RALYL: variants seen among roughly 807,000 people sequenced by gnomAD.
RALYL encodes the protein RALY RNA binding protein like.
Under a neutral mutation model 35.1 loss-of-function variants are expected in RALYL, and 29 were observed. The ratio of observed to expected loss-of-function variants is 0.83; its 90% CI spans 0.61 to 1.13. The LOEUF (loss-of-function observed/expected upper bound fraction) is 1.13. Ranked by LOEUF, RALYL falls within the 50% of genes most tolerant of loss-of-function variation. RALYL has a pLI of 0.00. For missense variants in RALYL, 359 were observed against 360.4 expected, an observed-to-expected ratio of 1.00 and a Z score of 0.03; for synonymous variants, 120 against 127.6, an observed-to-expected ratio of 0.94 and a Z score of 0.40.
intron 1 of RALYL, among the ~76,000 whole-genome samples, chr8:84,377,155 C>T (rs1321114615): frequency 6.6e-6 from 1 of 151,732 alleles, no homozygotes; most frequent in Non-Finnish European, 1.5e-5. Flanking sequence ...ATTCCAGACT[C>T]CATATTTTAA....
chr8:84,839,112 A>G (rs974945083), intron 4 of RALYL, among the ~76,000 whole-genome samples: 2 of 152,224 alleles, frequency 1.3e-5, no homozygotes, highest in African/African-American at 4.8e-5. Context: ...AGAGTGTCAG[A>G]AAGTGGGTGC....
chr8:84,640,472 T>C (rs924391735), intron 2 of RALYL, among the ~76,000 whole-genome samples: 1 of 151,994 alleles, frequency 6.6e-6, no homozygotes, highest in African/African-American at 2.4e-5. Flanking sequence ...GTTAAGATTA[T>C]GAGTATAGCA....
chr8:84,716,985 G>T (rs1179535931), intron 2 of RALYL, among the ~76,000 whole-genome samples: 1 of 152,064 alleles, frequency 6.6e-6, no homozygotes, highest in Non-Finnish European at 1.5e-5. Flanking sequence ...TCAGAAGTTT[G>T]AGACCAGCTT....
intron 8 of RALYL, among the ~76,000 whole-genome samples, chr8:84,889,980 T>C (rs73303013): frequency 0.014 from 2,117 of 152,296 alleles, 52 homozygotes; most frequent in African/African-American, 0.048. Context: ...TTTTCTTGCT[T>C]CAACTCTTGC....
chr8:84,271,796 T>C (rs1373216368), intron 1 of RALYL, among the ~76,000 whole-genome samples: 1 of 152,044 alleles, frequency 6.6e-6, no homozygotes, highest in Non-Finnish European at 1.5e-5. Flanking sequence ...GGCAAAGCTA[T>C]AGGGACAGAA....
chr8:84,304,136 T>C (rs1841346840), intron 1 of RALYL, among the ~76,000 whole-genome samples: 1 of 152,118 alleles, frequency 6.6e-6, no homozygotes, highest in Admixed American at 6.6e-5. Context: ...TATTTATTTT[T>C]AGATGGAGTC....
intron 1 of RALYL, among the ~76,000 whole-genome samples, chr8:84,418,220 G>C (rs2044965130): frequency 6.6e-6 from 1 of 152,116 alleles, no homozygotes; most frequent in Admixed American, 6.6e-5. Flanking sequence ...TTGTGACTCT[G>C]ATAGTTACTG....
At chr8:84,733,992 A>G (rs188068086) in intron 2 of RALYL, among the ~76,000 whole-genome samples, 39 of 152,354 alleles carry the variant, frequency 2.6e-4, no homozygotes, top group Admixed American at 1.3e-3. Context: ...TTCTGTATAC[A>G]AAGTATTATT....
intron 3 of RALYL, among the ~76,000 whole-genome samples, chr8:84,799,424 T>TGAA (rs1236044186): frequency 1.1e-4 from 16 of 152,192 alleles, no homozygotes; most frequent in Admixed American, 1.0e-3. Flanking sequence ...AAAGAAATAC[T>TGAA]GAAGAAGGAA....
chr8:84,678,412 C>T lies in RALYL; in HGVS notation c.257-96167C>T, dbSNP rs528478184. ...CCAGGTAGCTGAGATTTTAGGTATG[C>T]ACCACCACACCCGGATAATTTTTTT... is the stretch of plus-strand genomic sequence containing the variant. On this transcript the variant is annotated intron_variant, in intron 2 of 8. Coordinates refer to ENST00000521268, the MANE Select transcript of RALYL (RefSeq NM_173848.7). Among the ~76,000 whole-genome samples the T allele has an allele frequency of 3.3e-5, 5 of 152,068 alleles. No individual in the cohort carries two copies. The South Asian group carries it at 8.3e-4, about 25-fold the overall frequency.
intron 1 of RALYL, among the ~76,000 whole-genome samples, chr8:84,423,556 T>G (rs200387473): frequency 5.9e-5 from 9 of 152,112 alleles, no homozygotes; most frequent in South Asian, 4.1e-4. Context: ...TATATTTAAA[T>G]TTAATATTGT....
chr8:84,908,646 A>C (rs1846950882), intron 8 of RALYL, among the ~76,000 whole-genome samples: 1 of 152,152 alleles, frequency 6.6e-6, no homozygotes, highest in Admixed American at 6.6e-5. Context: ...TATTGTGAAT[A>C]ATGCCACAAT....
At chr8:84,629,044 C>T (rs1823366178) in intron 2 of RALYL, among the ~76,000 whole-genome samples, 1 of 151,982 alleles carries the variant, frequency 6.6e-6, no homozygotes, top group African/African-American at 2.4e-5. Flanking sequence ...ACACCTAGAA[C>T]CTTGACTCAG....
chr8:84,772,867 A>G (rs1357019396), intron 2 of RALYL, among the ~76,000 whole-genome samples: 1 of 152,166 alleles, frequency 6.6e-6, no homozygotes, highest in Non-Finnish European at 1.5e-5. Context: ...AAAGTTTAAT[A>G]TAGTGGGTGT....
At chr8:84,711,986 G>T (rs914943156) in intron 2 of RALYL, among the ~76,000 whole-genome samples, 23 of 151,966 alleles carry the variant, frequency 1.5e-4, no homozygotes, top group African/African-American at 5.6e-4. Context: ...TGTGATCTAG[G>T]TTTTAAAACT....
chr8:84,907,934 ATC>A (rs533251990), intron 8 of RALYL, among the ~76,000 whole-genome samples: 172 of 152,216 alleles, frequency 1.1e-3, no homozygotes, highest in African/African-American at 4.0e-3. Context: ...TTCTCTCTCA[ATC>A]TCTCTTTCTC....
At chr8:84,800,184 C>T (rs925323504) in intron 3 of RALYL, among the ~76,000 whole-genome samples, 1 of 152,222 alleles carries the variant, frequency 6.6e-6, no homozygotes, top group Admixed American at 6.5e-5. Flanking sequence ...CTGACAGTAC[C>T]TTGAGGCACA....
At chr8:84,605,424 A>G (rs929472543) in intron 2 of RALYL, among the ~76,000 whole-genome samples, 2 of 152,054 alleles carry the variant, frequency 1.3e-5, no homozygotes, top group African/African-American at 4.8e-5. Flanking sequence ...TCATCATCAT[A>G]AGCATTACCA....
At chr8:84,600,307 G>C (rs574490364) in intron 2 of RALYL, among the ~76,000 whole-genome samples, 1 of 151,814 alleles carries the variant, frequency 6.6e-6, no homozygotes, top group East Asian at 1.9e-4. Flanking sequence ...CCTCTCCAAG[G>C]GCTAAGGTGA....
Sources: gnomAD v4.1 joint callset for allele counts (sites outside exome capture counted in the v4.1 genomes callset) on GRCh38, gnomAD v4.1.1 for gene constraint, MANE v1.5 for transcripts, NCBI Gene and HGNC (gene_info 2026-07-23, HGNC 2026-07-21) for gene names.